Variants in RASAL2 observed in about 807,000 individuals in gnomAD.
RASAL2 encodes ras GTPase-activating protein nGAP.
A neutral mutation model predicts 128.9 loss-of-function variants in RASAL2; 58 were observed. The observed-to-expected ratio is 0.45, with a 90% confidence interval of 0.36 to 0.56. The LOEUF (loss-of-function observed/expected upper bound fraction) is 0.56. RASAL2 is among the 20% of genes least tolerant of loss of function. The probability of loss-of-function intolerance (pLI) is 0.00; values close to 1 mark genes in which losing one functional copy is unlikely to be tolerated. For missense variants in RASAL2, 1,360 were observed against 1,601.6 expected, an observed-to-expected ratio of 0.85 and a Z score of 2.57; for synonymous variants, 561 against 580.8, an observed-to-expected ratio of 0.97 and a Z score of 0.49.
At chr1:178,255,943 G>C (rs1178659163) in intron 1 of RASAL2, among the ~76,000 whole-genome samples, 1 of 152,086 alleles carries the variant, frequency 6.6e-6, no homozygotes, top group Non-Finnish European at 1.5e-5. Context: ...TTCTACAGGA[G>C]ACACACTTTA....
intron 9 of RASAL2, among the ~76,000 whole-genome samples, chr1:178,448,071 A>G (rs1255569158): frequency 6.6e-6 from 1 of 152,142 alleles, no homozygotes; most frequent in Non-Finnish European, 1.5e-5. Context: ...GGAGAGGTTA[A>G]ATGAAGCTGT....
chr1:178,358,787 A>G (rs1670956400), intron 3 of RASAL2, among the ~76,000 whole-genome samples: 1 of 152,146 alleles, frequency 6.6e-6, no homozygotes, highest in South Asian at 2.1e-4. Context: ...TATATACCAA[A>G]GAGGAATTCC....
intron 3 of RASAL2, among the ~76,000 whole-genome samples, chr1:178,311,268 A>ACACG (rs948777875): frequency 1.3e-5 from 2 of 151,556 alleles, no homozygotes; most frequent in African/African-American, 4.8e-5. Flanking sequence ...ACACACACAC[A>ACACG]CACACACACA....
At chr1:178,432,866 C>T (rs577218117) in intron 5 of RASAL2, among the ~76,000 whole-genome samples, 1 of 152,192 alleles carries the variant, frequency 6.6e-6, no homozygotes, top group South Asian at 2.1e-4. Flanking sequence ...TCTTTCATTT[C>T]TTTTCTCTCC....
At chr1:178,303,811 T>C (rs1351883763) in intron 3 of RASAL2, among the ~76,000 whole-genome samples, 1 of 152,162 alleles carries the variant, frequency 6.6e-6, no homozygotes, top group Non-Finnish European at 1.5e-5. Flanking sequence ...ACAGATATTT[T>C]AACGAAGAGT....
At chr1:178,130,456 C>T (rs2102300601) in intron 1 of RASAL2, among the ~76,000 whole-genome samples, 1 of 152,310 alleles carries the variant, frequency 6.6e-6, no homozygotes, top group East Asian at 1.9e-4. Context: ...CTTACATAAT[C>T]TCAACTATAT....
intron 4 of RASAL2, among the ~76,000 whole-genome samples, chr1:178,394,457 A>G (rs1673093773): frequency 6.6e-6 from 1 of 152,204 alleles, no homozygotes; most frequent in Non-Finnish European, 1.5e-5. Flanking sequence ...ATATTTTGGA[A>G]CAGGCTTTTT....
chr1:178,328,342 G>A (rs904302907), intron 3 of RASAL2, among the ~76,000 whole-genome samples: 1 of 152,094 alleles, frequency 6.6e-6, no homozygotes, highest in Non-Finnish European at 1.5e-5. Flanking sequence ...GGCATATAAT[G>A]TGTAATAATC....
intron 3 of RASAL2, among the ~76,000 whole-genome samples, chr1:178,303,042 G>A (rs1463685451): frequency 1.3e-5 from 2 of 152,056 alleles, no homozygotes; most frequent in African/African-American, 4.8e-5. Flanking sequence ...ATAATAGTGT[G>A]TTGGTGGAAG....
At chr1:178,312,948 A>T (rs558333141) in intron 3 of RASAL2, among the ~76,000 whole-genome samples, 1 of 152,310 alleles carries the variant, frequency 6.6e-6, no homozygotes, top group African/African-American at 2.4e-5. Context: ...GAGGTAGATA[A>T]TGTTACAATG....
intron 1 of RASAL2, among the ~76,000 whole-genome samples, chr1:178,099,094 T>TTTAAATGTTGC (rs1394685378): frequency 1.3e-5 from 2 of 152,244 alleles, no homozygotes; most frequent in Non-Finnish European, 2.9e-5. Context: ...GTTATGTCTC[T>TTTAAATGTTGC]AAATTTATTT....
chr1:178,413,203 G>A (rs919847950), intron 4 of RASAL2, among the ~76,000 whole-genome samples: 3 of 152,022 alleles, frequency 2.0e-5, no homozygotes, highest in African/African-American at 4.8e-5. Flanking sequence ...CAGGTGATCC[G>A]CCTGCCTCAG....
chr1:178,161,187 T>G (rs1313109070), intron 1 of RASAL2, among the ~76,000 whole-genome samples: 1 of 152,230 alleles, frequency 6.6e-6, no homozygotes, highest in African/African-American at 2.4e-5. Flanking sequence ...TTTTAGTACT[T>G]TGTACAATAT....
intron 1 of RASAL2, among the ~76,000 whole-genome samples, chr1:178,259,471 CA>C (rs1665553555): frequency 6.6e-6 from 1 of 152,196 alleles, no homozygotes; most frequent in Non-Finnish European, 1.5e-5. Context: ...GAATAAAGTA[CA>C]GACTGTTGAA....
intron 1 of RASAL2, among the ~76,000 whole-genome samples, chr1:178,239,227 A>C (rs1664388801): frequency 6.6e-6 from 1 of 152,026 alleles, no homozygotes. Flanking sequence ...GTATATAACC[A>C]TAACCTTGGT....
intron 3 of RASAL2, among the ~76,000 whole-genome samples, chr1:178,317,300 G>T (rs1336887724): frequency 6.9e-6 from 1 of 145,656 alleles, no homozygotes; most frequent in Non-Finnish European, 1.5e-5. Context: ...AATGATGCTG[G>T]CCTCATAAAA....
At chr1:178,255,304 T>C (rs1665280749) in intron 1 of RASAL2, among the ~76,000 whole-genome samples, 1 of 152,110 alleles carries the variant, frequency 6.6e-6, no homozygotes, top group African/African-American at 2.4e-5. Flanking sequence ...TTTTAAAAGA[T>C]AGTATAAATG....
chr1:178,398,433 C>T (rs1446522168), intron 4 of RASAL2, among the ~76,000 whole-genome samples: 2 of 151,938 alleles, frequency 1.3e-5, no homozygotes, highest in African/African-American at 4.8e-5. Flanking sequence ...TAATACAGTC[C>T]ACCTCTGCCT....
chr1:178,162,132 T>G (rs1317668033), intron 1 of RASAL2, among the ~76,000 whole-genome samples: 1 of 149,028 alleles, frequency 6.7e-6, no homozygotes, highest in African/African-American at 2.5e-5. Context: ...GCCTGGCTAA[T>G]TTTTTGTATT....
Sources: gnomAD v4.1 joint callset for allele counts (sites outside exome capture counted in the v4.1 genomes callset) on GRCh38, gnomAD v4.1.1 for gene constraint, MANE v1.5 for transcripts, NCBI Gene and HGNC (gene_info 2026-07-23, HGNC 2026-07-21) for gene names.